TJP2: variants seen among roughly 807,000 people sequenced by gnomAD.
TJP2 encodes tight junction protein 2, also known as Friedreich ataxia region gene X104 (tight junction protein ZO-2).
In TJP2, 91 loss-of-function variants were observed where a neutral mutation model predicts 133.1. The ratio of observed to expected loss-of-function variants is 0.68; its 90% CI spans 0.58 to 0.81. The LOEUF is 0.81. Ranked by LOEUF, TJP2 falls within the 40% of genes least tolerant of loss-of-function variation. The pLI, the probability that TJP2 is intolerant of heterozygous loss-of-function variation, is 0.00. For synonymous variants in TJP2, 592 were observed against 583.4 expected (o/e 1.01, Z -0.21); for missense variants, 1,541 against 1,565.6 (o/e 0.98, Z 0.26).
intron 1 of TJP2, among the ~76,000 whole-genome samples, chr9:69,187,456 C>A (rs1403196592): frequency 1.3e-5 from 2 of 152,142 alleles, no homozygotes; most frequent in Non-Finnish European, 2.9e-5. Flanking sequence ...TTCGTCTGTT[C>A]CAATTTGAGA....
intron 2 of TJP2, among the ~76,000 whole-genome samples, chr9:69,159,824 C>T (rs1266797652): frequency 2.7e-5 from 4 of 148,170 alleles, no homozygotes; most frequent in Non-Finnish European, 5.9e-5. Context: ...TGCAGTGAGC[C>T]ACTGCACTCC....
intron 6 of TJP2, among the ~76,000 whole-genome samples, 198 bp from the exon 7 acceptor site, chr9:69,225,824 C>T (rs978338803): frequency 1.3e-5 from 2 of 152,168 alleles, no homozygotes; most frequent in African/African-American, 4.8e-5. Flanking sequence ...AGCAGAGTAA[C>T]TTACACCTGT....
chr9:69,181,901 T>C (rs1238744094), intron 1 of TJP2, among the ~76,000 whole-genome samples: 1 of 152,188 alleles, frequency 6.6e-6, no homozygotes, highest in Non-Finnish European at 1.5e-5. Context: ...TGCTGGATTC[T>C]CTTCCTTACT....
chr9:69,230,218 G>A lies in TJP2; in HGVS notation c.1657G>A (p.Asp553Asn), dbSNP rs199766035. Residue 553 changes from aspartate (D) to asparagine (N), a missense_variant, in exon 11 of 23, where the codon GAC becomes AAC. Asp to Asn is a conservative substitution (Grantham distance 23, BLOSUM62 1). Transcript: ENST00000377245. ...GGAGCAGGAGGGCCTTCAAGAAGGA[G>A]ACCAGATTCTGAAGGTAAGAACAGC... ...SAEQEGLQEGDQILKVNTQDF... is the reference protein window; with the variant it reads ...SAEQEGLQEGNQILKVNTQDF... 9.3e-6 allele frequency: 15 copies of A among 1,614,142 alleles called. No individual in the cohort carries two copies. The highest frequency in any genetic ancestry group is 1.2e-5 in the Non-Finnish European group (14 of 1,180,022).
chr9:69,168,646 T>C (rs1824493773), intron 2 of TJP2, among the ~76,000 whole-genome samples: 1 of 151,004 alleles, frequency 6.6e-6, no homozygotes, highest in Non-Finnish European at 1.5e-5. Context: ...AATACAAAAA[T>C]TAGCCAGGTG....
At chr9:69,185,208 G>T (rs1564413924) in intron 1 of TJP2, among the ~76,000 whole-genome samples, 1 of 151,842 alleles carries the variant, frequency 6.6e-6, no homozygotes, top group African/African-American at 2.4e-5. Context: ...ATTACAGGTG[G>T]GTGCCACCAC....
chr9:69,162,615 AGAT>A (rs1264214330), intron 2 of TJP2, among the ~76,000 whole-genome samples: 7 of 152,364 alleles, frequency 4.6e-5, no homozygotes, highest in Admixed American at 3.9e-4. Context: ...CAGTTAGAAA[AGAT>A]GATGATAGAG....
At chr9:69,248,277 C>T (rs1289804772) in intron 19 of TJP2, 53 bp downstream of exon 19, 1 of 1,539,728 alleles carries the variant, frequency 6.5e-7, no homozygotes, top group African/African-American at 1.4e-5. Context: ...GTTTTCCTTG[C>T]ACTCTCGTGG....
intron 1 of TJP2, among the ~76,000 whole-genome samples, chr9:69,136,580 C>T (rs4745627): frequency 0.91 from 138,140 of 152,288 alleles, 62,772 homozygotes; most frequent in East Asian, 1. Context: ...AAATATTTTA[C>T]AGGAAAATTT....
chr9:69,162,277 C>G (rs1416462039), intron 2 of TJP2, among the ~76,000 whole-genome samples: 1 of 150,826 alleles, frequency 6.6e-6, no homozygotes, highest in Non-Finnish European at 1.5e-5. Context: ...AAATTTATTT[C>G]ATTCCTCCAT....
chr9:69,130,671 C>T (rs1197824041), intron 1 of TJP2, among the ~76,000 whole-genome samples: 1 of 152,006 alleles, frequency 6.6e-6, no homozygotes, highest in Admixed American at 6.6e-5. Context: ...CCTGTGTGTG[C>T]AGGGGCTTGG....
chr9:69,251,784 A>G (rs146503705), intron 21 of TJP2, among the ~76,000 whole-genome samples: 95 of 152,258 alleles, frequency 6.2e-4, no homozygotes, highest in African/African-American at 2.3e-3. Flanking sequence ...GAGCTGTTTG[A>G]ATTTGTATAC....
chr9:69,156,900 G>GT (rs1222809875), intron 2 of TJP2, among the ~76,000 whole-genome samples: 6 of 152,140 alleles, frequency 3.9e-5, no homozygotes, highest in African/African-American at 1.2e-4. Context: ...CCAGGTCATA[G>GT]GTACTCTACT....
chr9:69,204,926 A>T, intron 1 of TJP2: 1 of 1,251,940 alleles, frequency 8.0e-7, no homozygotes, highest in Non-Finnish European at 1.0e-6. Flanking sequence ...AGGGAGAGAA[A>T]GAAAGCTGTT....
At chr9:69,179,571 C>T (rs1228654434) in intron 1 of TJP2, among the ~76,000 whole-genome samples, 8 of 147,544 alleles carry the variant, frequency 5.4e-5, no homozygotes, top group Non-Finnish European at 1.2e-4. Flanking sequence ...TGCAGTGGTG[C>T]GATCTCGGCT....
intron 9 of TJP2, among the ~76,000 whole-genome samples, 167 bp from the exon 10 acceptor site, chr9:69,229,017 G>C (rs1344826127): frequency 6.6e-6 from 1 of 152,022 alleles, no homozygotes; most frequent in African/African-American, 2.4e-5. Flanking sequence ...GAAACCATTG[G>C]CACCTGCTAA....
At chr9:69,169,638 G>T (rs1824569228), upstream of TJP2, among the ~76,000 whole-genome samples, 1 of 152,070 alleles carries the variant, frequency 6.6e-6, no homozygotes, top group African/African-American at 2.4e-5. Flanking sequence ...GGGATTACAG[G>T]CGTGAGCCAC....
At chr9:69,220,045 G>A (rs1828695592) in intron 4 of TJP2, among the ~76,000 whole-genome samples, 1 of 152,200 alleles carries the variant, frequency 6.6e-6, no homozygotes, top group African/African-American at 2.4e-5. Context: ...CAGCTATCGG[G>A]AGGGTGAGGC....
At chr9:69,150,857 C>G (rs1823439480) in intron 1 of TJP2, among the ~76,000 whole-genome samples, 1 of 152,172 alleles carries the variant, frequency 6.6e-6, no homozygotes, top group African/African-American at 2.4e-5. Context: ...TAGAAACAAC[C>G]CAAACTTCCA....
Sources: gnomAD v4.1 joint callset for allele counts (sites outside exome capture counted in the v4.1 genomes callset) on GRCh38, gnomAD v4.1.1 for gene constraint, MANE v1.5 for transcripts, NCBI Gene and HGNC (gene_info 2026-07-23, HGNC 2026-07-21) for gene names.